Variants in ANK2 observed in about 807,000 individuals in gnomAD.
ANK2 encodes the protein ankyrin 2.
Under a neutral mutation model 360.5 loss-of-function variants are expected in ANK2, and 83 were observed. That is an observed-to-expected ratio of 0.23 (90% CI 0.19 to 0.28). ANK2 has a LOEUF of 0.28. Among genes scored for constraint, ANK2 ranks in the 10% least tolerant of loss-of-function variants. The probability of loss-of-function intolerance (pLI) is 1.00; values close to 1 mark genes in which losing one functional copy is unlikely to be tolerated. For missense variants in ANK2, 4,201 were observed against 4,795.7 expected (o/e 0.88, Z 3.66); for synonymous variants, 1,740 against 1,759.5 (o/e 0.99, Z 0.28).
At chr4:112,736,968 G>A in the ANK2 span, among the ~76,000 whole-genome samples, 1 of 152,326 alleles carries the variant, frequency 6.6e-6, no homozygotes, top group Admixed American at 6.5e-5. Context: ...AGTAGTGGTG[G>A]TGGTAGTGGT....
chr4:112,758,927 C>T, the ANK2 span, among the ~76,000 whole-genome samples: 1 of 151,958 alleles, frequency 6.6e-6, no homozygotes, highest in Non-Finnish European at 1.5e-5. Flanking sequence ...GGGAGAATTT[C>T]GAATCACATA....
At chr4:113,101,682 C>T (rs1438182279) in intron 1 of ANK2, among the ~76,000 whole-genome samples, 1 of 151,962 alleles carries the variant, frequency 6.6e-6, no homozygotes, top group African/African-American at 2.4e-5. Context: ...AAAAATTCAA[C>T]AAATAAGAAC....
chr4:113,131,396 C>T (rs1486829836), intron 1 of ANK2, among the ~76,000 whole-genome samples: 3 of 152,200 alleles, frequency 2.0e-5, no homozygotes, highest in African/African-American at 4.8e-5. Context: ...GAAAACTGTA[C>T]ACACCAGTGA....
rs145111737 is a variant in ANK2, at chr4:113,358,092, G to T, written c.9474G>T (p.Pro3158=). Residue 3158 remains proline, a synonymous_variant, in exon 38 of 46, where the codon CCG becomes CCT. Coordinates refer to ENST00000357077, the MANE Select transcript of ANK2 (RefSeq NM_001148.6). ...KEGATGADPL[P]LETSAESLAL... Reference sequence around the variant, plus strand: ...GGGCTACTGGGGCTGATCCCCTACCGCTGGAGACATCAGCTGAATCACTAG... The same window carrying T: ...GGGCTACTGGGGCTGATCCCCTACCTCTGGAGACATCAGCTGAATCACTAG... 67 of 1,613,966 alleles carry T rather than the reference G, an allele frequency of 4.2e-5. No homozygotes were observed. The Middle Eastern group carries it at 4.9e-4, about 12-fold the overall frequency.
intron 1 of ANK2, among the ~76,000 whole-genome samples, chr4:113,057,876 G>C (rs1425781257): frequency 6.6e-6 from 1 of 151,978 alleles, no homozygotes; most frequent in Admixed American, 6.6e-5. Context: ...GCTAAAAACT[G>C]GTTTGTCCCT....
chr4:112,993,941 C>T (rs2047698886), intron 2 of ANK2, among the ~76,000 whole-genome samples: 1 of 152,124 alleles, frequency 6.6e-6, no homozygotes, highest in South Asian at 2.1e-4. Flanking sequence ...CTCCTGGCCT[C>T]AAGTGATCTG....
chr4:113,308,108 T>C (rs1195914862), intron 23 of ANK2, among the ~76,000 whole-genome samples: 5 of 152,296 alleles, frequency 3.3e-5, no homozygotes, highest in African/African-American at 1.2e-4. Flanking sequence ...AAAAAGAAAG[T>C]GTATAATGAT....
intron 4 of ANK2, among the ~76,000 whole-genome samples, chr4:113,205,078 A>C (rs140802325): frequency 0.048 from 7,313 of 151,954 alleles, 220 homozygotes; most frequent in African/African-American, 0.078. Context: ...TACTAAAAAT[A>C]CAAAAAAATT....
the ANK2 span, among the ~76,000 whole-genome samples, chr4:112,712,564 T>TGC: frequency 1.3e-5 from 2 of 151,670 alleles, no homozygotes; most frequent in East Asian, 3.9e-4. Flanking sequence ...CCTGCCACCA[T>TGC]GCCCAGCTAA....
rs975333708 is a variant in ANK2, at chr4:113,315,334, A to G, written c.2694-2373A>G. On this transcript the variant is annotated intron_variant, in intron 24 of 45. Transcript: ENST00000357077. Reference sequence around the variant, plus strand: ...CCATAGTCACTCCTTGAGAGTGGCAATTGAGACCTGATTGATTCTTTCAAA... The same window carrying G: ...CCATAGTCACTCCTTGAGAGTGGCAGTTGAGACCTGATTGATTCTTTCAAA... 6.6e-5 allele frequency among the ~76,000 whole-genome samples: 10 copies of G among 152,336 alleles called. No individual in the cohort carries two copies. The South Asian group carries it at 1.7e-3, about 25-fold the overall frequency.
rs1478839138 is a variant in ANK2 at position 113,358,657 on chromosome 4, A to C, written c.10039A>C (p.Lys3347Gln). 6.2e-7 allele frequency: 1 copy of C among 1,614,048 alleles called. No homozygotes were observed. ...GGCGGATGAAGCAAAACCAAAGTCC[A>C]AACTCCCTGTCAAAGTACCCCTCCA... Reference protein sequence around the residue: ...NKADEAKPKSKLPVKVPLQRV... With the variant: ...NKADEAKPKSQLPVKVPLQRV... Residue 3347 changes from lysine (K) to glutamine (Q), a missense_variant, in exon 38 of 46, where the codon AAA becomes CAA. This residue lies in a region of ANK2 where 2,642 missense variants were observed against 2,714.5 expected (regional missense o/e 0.97). Transcript: ENST00000357077.
chr4:113,151,282 C>T (rs1027649440), intron 1 of ANK2: 15 of 487,712 alleles, frequency 3.1e-5, no homozygotes, highest in African/African-American at 1.8e-4. Context: ...AAAGAATACC[C>T]GAAGCTGGGT....
chr4:113,252,105 T>TCA (rs1264866668), intron 10 of ANK2, among the ~76,000 whole-genome samples: 1 of 152,094 alleles, frequency 6.6e-6, no homozygotes, highest in Non-Finnish European at 1.5e-5. Flanking sequence ...TGAGGAGGCT[T>TCA]CACAATCATG....
At chr4:113,223,868 A>G (rs2153502604) in intron 4 of ANK2, among the ~76,000 whole-genome samples, 1 of 152,280 alleles carries the variant, frequency 6.6e-6, no homozygotes, top group Middle Eastern at 3.4e-3. Flanking sequence ...GAAGATGTTA[A>G]CCAGAGCTGA....
At chr4:112,735,284 T>C in the ANK2 span, among the ~76,000 whole-genome samples, 1 of 152,094 alleles carries the variant, frequency 6.6e-6, no homozygotes, top group Admixed American at 6.6e-5. Flanking sequence ...TGAGCTGAGA[T>C]TGTGCCACTG....
chr4:112,826,674 T>C, intron 1 of ANK2: 3 of 935,472 alleles, frequency 3.2e-6, no homozygotes, highest in Non-Finnish European at 5.0e-6. Flanking sequence ...TTCCTCAGCA[T>C]TGACCATTCA....
intron 26 of ANK2, among the ~76,000 whole-genome samples, chr4:113,329,549 T>G (rs2091724296): frequency 1.3e-5 from 2 of 152,204 alleles, no homozygotes; most frequent in African/African-American, 4.8e-5. Flanking sequence ...TTCCCACTCC[T>G]GAAATTTCAC....
intron 1 of ANK2, among the ~76,000 whole-genome samples, chr4:113,052,538 T>C (rs1376307865): frequency 6.6e-6 from 1 of 152,180 alleles, no homozygotes; most frequent in African/African-American, 2.4e-5. Context: ...AAGGGTCTTT[T>C]GCCACCAGAC....
At chr4:113,258,274 G>A (rs371086330) in intron 12 of ANK2, 39 bp from the exon 13 acceptor site, 135 of 1,602,132 alleles carry the variant, frequency 8.4e-5, no homozygotes, top group Non-Finnish European at 1.1e-4. Flanking sequence ...AAGCCCCACC[G>A]GTGCAGAGGA....
Sources: gnomAD v4.1 joint callset for allele counts (sites outside exome capture counted in the v4.1 genomes callset) on GRCh38, gnomAD v4.1.1 for gene constraint, gnomAD v4.1.1 regional missense constraint, MANE v1.5 for transcripts, NCBI Gene and HGNC (gene_info 2026-07-23, HGNC 2026-07-21) for gene names.